The following PPFIBP2 variants were observed in gnomAD, a reference collection of about 807,000 sequenced individuals.
PPFIBP2 encodes PPFIB scaffold protein 2, also known as liprin-beta-2.
Under a neutral mutation model 118.3 loss-of-function variants are expected in PPFIBP2, and 118 were observed. The observed-to-expected ratio is 1.00, with a 90% CI of 0.86 to 1.16. The LOEUF (loss-of-function observed/expected upper bound fraction) is 1.16. Among genes scored for constraint, PPFIBP2 ranks in the 50% most tolerant of loss-of-function variants. The pLI, the probability that PPFIBP2 is intolerant of heterozygous loss-of-function variation, is 0.00. For synonymous variants in PPFIBP2, 414 were observed against 397.4 expected (o/e 1.04, Z -0.50); for missense variants, 1,195 against 1,073.1 (o/e 1.11, Z -1.59).
In PPFIBP2 at chr11:7,649,620, A is replaced by AC. The variant is rs753107818; in HGVS notation, c.2092dup (p.His698ProfsTer9). 2 of 1,613,948 alleles carry AC rather than the reference A, an allele frequency of 1.2e-6. No homozygotes were observed. Among genetic ancestry groups the AC allele is most frequent in the South Asian group, 1.1e-5 (1 of 91,066 alleles). On this transcript the variant is annotated frameshift_variant, in exon 21 of 24. Transcript: ENST00000299492. LOFTEE classifies it high-confidence loss of function. ...CACGTGCTGCATGTCAACAAGTTCA[A>AC]CCCCCACTGCCTGCACCGGCGGCCA...
chr11:7,516,626 A>T (rs1211238863), intron 1 of PPFIBP2, among the ~76,000 whole-genome samples: 1 of 152,160 alleles, frequency 6.6e-6, no homozygotes, highest in Non-Finnish European at 1.5e-5. Flanking sequence ...TGGCGTCAGC[A>T]CCAAGTGAGG....
At chr11:7,665,325 C>T in the PPFIBP2 span, 1 of 1,425,770 alleles carries the variant, frequency 7.0e-7, no homozygotes, top group Non-Finnish European at 9.4e-7. Context: ...TGAACTTACT[C>T]TGAAACAGAT....
intron 3 of PPFIBP2, among the ~76,000 whole-genome samples, chr11:7,584,597 C>T (rs925201312): frequency 6.6e-6 from 1 of 152,188 alleles, no homozygotes; most frequent in African/African-American, 2.4e-5. Flanking sequence ...AGCCCTAAAA[C>T]TCCTTAATAA....
chr11:7,654,273 T>C (rs1206267623), downstream of PPFIBP2, among the ~76,000 whole-genome samples: 2 of 152,166 alleles, frequency 1.3e-5, no homozygotes, highest in Admixed American at 6.5e-5. Context: ...TGACTGATAA[T>C]GGCTCCTCCA....
chr11:7,641,074 C>A, intron 15 of PPFIBP2: 1 of 1,270,330 alleles, frequency 7.9e-7, no homozygotes, highest in Non-Finnish European at 1.0e-6. Context: ...AGGTACTGTA[C>A]CCATTCCAGG....
At chr11:7,554,334 G>A (rs1254896097) in intron 2 of PPFIBP2, among the ~76,000 whole-genome samples, 2 of 152,206 alleles carry the variant, frequency 1.3e-5, no homozygotes, top group Non-Finnish European at 2.9e-5. Context: ...ACTGTATTCA[G>A]TGATCACTAG....
At chr11:7,618,257 G>GT (rs1848914243) in intron 6 of PPFIBP2, among the ~76,000 whole-genome samples, 1 of 152,222 alleles carries the variant, frequency 6.6e-6, no homozygotes, top group Non-Finnish European at 1.5e-5. Flanking sequence ...TTGAGAGGGT[G>GT]TTGGCGCATG....
At chr11:7,549,587 A>G (rs746958120) in intron 2 of PPFIBP2, 48 bp downstream of exon 2, 14 of 1,451,296 alleles carry the variant, frequency 9.6e-6, no homozygotes, top group Middle Eastern at 1.8e-4. Flanking sequence ...TCCACATTCC[A>G]GGAACTGCTT....
intron 3 of PPFIBP2, among the ~76,000 whole-genome samples, chr11:7,581,833 ATAGATAGAT>A (rs1482134123): frequency 1.9e-4 from 29 of 151,392 alleles, no homozygotes; most frequent in African/African-American, 6.9e-4. Context: ...AGATAGATAG[ATAGATAGAT>A]TTTTTTTTTT....
In PPFIBP2 at chr11:7,593,172, A is replaced by G. The variant is rs1165081425; in HGVS notation, c.320A>G (p.Tyr107Cys). 2 of 1,614,032 alleles carry G rather than the reference A, an allele frequency of 1.2e-6. No homozygotes were observed. Among genetic ancestry groups the G allele is most frequent in the Non-Finnish European group, 1.7e-6 (2 of 1,179,972 alleles). ...CACAGTGCTGCTAGTAATGAAACCT[A>G]CCAGGAACGCTTGGCACGTCTAGAA... ...NHHSAASNET[Y>C]QERLARLEGD... The change falls in exon 4 of 24, where the codon TAC becomes TGC. Residue 107 changes from tyrosine to cysteine, a missense_variant. Coordinates refer to ENST00000299492, the MANE Select transcript of PPFIBP2 (RefSeq NM_003621.5).
At position 7,597,114 on chromosome 11, in the gene PPFIBP2, C is replaced by T. The variant is rs965454413; in HGVS notation, c.373-446C>T. 1.7e-5 allele frequency: 23 copies of T among 1,385,844 alleles called. No homozygotes were observed. The South Asian group carries it at 2.7e-4, about 16-fold the overall frequency. The allele number at this position is 1,385,844 out of a possible 1,614,324, so 85.8% of individuals were successfully genotyped here. A position where few individuals can be genotyped will look rare whatever the true frequency, so the allele number is the denominator to read the frequency against. ...AACACTCACCTGATAGGTGAGCAGTCCTCACACCCTTATGAGAGAGGTAAG... is the reference window on the plus strand; with the variant it reads ...AACACTCACCTGATAGGTGAGCAGTTCTCACACCCTTATGAGAGAGGTAAG... On this transcript the variant is annotated intron_variant, in intron 4 of 23. Coordinates refer to ENST00000299492, the MANE Select transcript of PPFIBP2 (RefSeq NM_003621.5).
chr11:7,545,062 A>G (rs11041434), intron 1 of PPFIBP2, among the ~76,000 whole-genome samples: 38,579 of 152,030 alleles, frequency 0.25, 5,092 homozygotes, highest in African/African-American at 0.32. Flanking sequence ...TATGATATAC[A>G]GTAGCCCCCT....
rs150692656 is a variant in PPFIBP2, at chr11:7,653,561, G to T, written c.*343G>T. On this transcript the variant is annotated 3_prime_UTR_variant, in exon 24 of 24. Transcript: ENST00000299492. ...CAGAGACCATGGACACTCCCACGAG[G>T]CTCAGCTCTCAGGCACCCCCTACAC... The T allele has an allele frequency of 3.6e-4, 479 of 1,313,394 alleles. 4 individuals are homozygous for T. In the African/African-American group the frequency reaches 6.6e-3, roughly 18 times the overall value. 81.4% of individuals were successfully genotyped at this position (1,313,394 alleles called of 1,614,324 possible).
chr11:7,651,615 G>A (rs963171878), intron 22 of PPFIBP2, 41 bp from the exon 23 acceptor site: 2 of 1,554,304 alleles, frequency 1.3e-6, no homozygotes, highest in Non-Finnish European at 1.8e-6. Context: ...CGAGCCATTT[G>A]TATTTGCTCC....
intron 1 of PPFIBP2, among the ~76,000 whole-genome samples, chr11:7,532,536 C>A (rs1850790912): frequency 6.6e-6 from 1 of 152,206 alleles, no homozygotes; most frequent in Non-Finnish European, 1.5e-5. Context: ...CTGGCCTCGT[C>A]CAAAGGCTCA....
At chr11:7,633,002 A>G in intron 12 of PPFIBP2, 68 bp downstream of exon 12, 2 of 1,426,648 alleles carry the variant, frequency 1.4e-6, no homozygotes, top group Non-Finnish European at 2.0e-6. Flanking sequence ...GCCGAAGTAG[A>G]TGGTGATGAC....
chr11:7,633,042 T>C (rs932677398), intron 12 of PPFIBP2, 108 bp downstream of exon 12: 21 of 956,348 alleles, frequency 2.2e-5, no homozygotes, highest in Non-Finnish European at 3.4e-5. Context: ...CACTGAGTCC[T>C]AGGTGCACCT....
intron 6 of PPFIBP2, among the ~76,000 whole-genome samples, chr11:7,619,235 A>G (rs1035056059): frequency 6.6e-6 from 1 of 152,264 alleles, no homozygotes; most frequent in Non-Finnish European, 1.5e-5. Flanking sequence ...ACAGAGTACA[A>G]CAAGAGAATA....
intron 1 of PPFIBP2, among the ~76,000 whole-genome samples, chr11:7,519,406 C>G (rs948203756): frequency 1.2e-4 from 18 of 152,148 alleles, no homozygotes; most frequent in African/African-American, 4.3e-4. Flanking sequence ...TAAGGAATTT[C>G]TTCCTATTTC....
Sources: gnomAD v4.1 joint callset for allele counts (sites outside exome capture counted in the v4.1 genomes callset) on GRCh38, gnomAD v4.1.1 for gene constraint, MANE v1.5 for transcripts, NCBI Gene and HGNC (gene_info 2026-07-23, HGNC 2026-07-21) for gene names.